The following GABRB3 variants were observed in gnomAD, a reference collection of about 807,000 sequenced individuals.
The protein encoded by GABRB3 is gamma-aminobutyric acid receptor subunit beta-3.
Under a neutral mutation model 52.1 loss-of-function variants are expected in GABRB3, and 14 were observed. The observed-to-expected ratio is 0.27, with a 90% confidence interval of 0.18 to 0.42. The LOEUF (loss-of-function observed/expected upper bound fraction) is 0.42, where lower values mean the gene tolerates loss of function less well. Ranked by LOEUF, GABRB3 falls within the 10% of genes least tolerant of loss-of-function variation. The pLI, the probability that GABRB3 is intolerant of heterozygous loss-of-function variation, is 1.00. For missense variants in GABRB3, 307 were observed against 609.1 expected, an observed-to-expected ratio of 0.50 and a Z score of 5.22; for synonymous variants, 260 against 232.3, an observed-to-expected ratio of 1.12 and a Z score of -1.08.
chr15:26,570,430 G>A (rs1890352420), intron 6 of GABRB3, among the ~76,000 whole-genome samples: 1 of 152,194 alleles, frequency 6.6e-6, no homozygotes, highest in Non-Finnish European at 1.5e-5. Context: ...CTGGCTCTGG[G>A]CCTTGCGCGA....
At chr15:26,685,112 G>T (rs982430948) in intron 3 of GABRB3, among the ~76,000 whole-genome samples, 1 of 152,156 alleles carries the variant, frequency 6.6e-6, no homozygotes, top group Non-Finnish European at 1.5e-5. Context: ...TTCCCTGCAG[G>T]TCCCATGGGA....
At chr15:26,707,804 A>T (rs959715644) in intron 3 of GABRB3, among the ~76,000 whole-genome samples, 4 of 152,184 alleles carry the variant, frequency 2.6e-5, no homozygotes, top group African/African-American at 7.2e-5. Context: ...GATGGGGCAG[A>T]AGTTACATGA....
At chr15:26,639,375 C>A (rs1893140802) in intron 3 of GABRB3, among the ~76,000 whole-genome samples, 1 of 150,682 alleles carries the variant, frequency 6.6e-6, no homozygotes, top group Non-Finnish European at 1.5e-5. Context: ...ATGTCTGTAC[C>A]AAACAGGTAC....
At chr15:26,669,456 G>C (rs1407422724) in intron 3 of GABRB3, among the ~76,000 whole-genome samples, 2 of 152,106 alleles carry the variant, frequency 1.3e-5, no homozygotes, top group East Asian at 3.9e-4. Flanking sequence ...GTCTGCCATG[G>C]GGTAGGTGTC....
intron 3 of GABRB3, among the ~76,000 whole-genome samples, chr15:26,737,135 C>G (rs891414858): frequency 1.4e-4 from 22 of 152,220 alleles, no homozygotes; most frequent in Admixed American, 1.4e-3. Flanking sequence ...GAGCTTGCCC[C>G]CTCTGTGATT....
At chr15:26,616,968 CA>C (rs1043787700) in intron 4 of GABRB3, among the ~76,000 whole-genome samples, 2 of 144,116 alleles carry the variant, frequency 1.4e-5, no homozygotes, top group Admixed American at 6.9e-5. Flanking sequence ...AAAAAAAAAA[CA>C]AAAAGTGTAT....
intron 3 of GABRB3, among the ~76,000 whole-genome samples, chr15:26,703,194 C>T (rs1402872934): frequency 1.3e-5 from 2 of 152,164 alleles, no homozygotes; most frequent in East Asian, 1.9e-4. Flanking sequence ...TTATAAAGAA[C>T]AGAAATTAAT....
At chr15:26,714,430 G>A (rs1294982672) in intron 3 of GABRB3, among the ~76,000 whole-genome samples, 1 of 152,212 alleles carries the variant, frequency 6.6e-6, no homozygotes, top group Non-Finnish European at 1.5e-5. Context: ...ACACAGTTTG[G>A]TTTTATACAT....
At chr15:26,633,991 T>A in intron 3 of GABRB3, among the ~76,000 whole-genome samples, 1 of 152,208 alleles carries the variant, frequency 6.6e-6, no homozygotes, top group East Asian at 1.9e-4. Context: ...TACAACAAAG[T>A]GACTCCTCCA....
rs774730483 is a variant in GABRB3, at chr15:26,561,142, G to A, written c.870C>T (p.Asn290=). The A allele has an allele frequency of 1.2e-6, 2 of 1,614,208 alleles. No homozygotes were observed. Among genetic ancestry groups the A allele is most frequent in the Non-Finnish European group, 1.7e-6 (2 of 1,180,046 alleles). The change falls in exon 8 of 9, where the codon AAC becomes AAT. Residue 290 remains asparagine, a synonymous_variant. Transcript: ENST00000311550. ...ITTVLTMTTI[N]THLRETLPKI... ...TGGGCAAGGTCTCCCGAAGGTGGGT[G>A]TTGATGGTTGTCATTGTCAGCACAG...
intron 8 of GABRB3, among the ~76,000 whole-genome samples, chr15:26,560,484 C>A (rs1205215831): frequency 1.3e-5 from 2 of 152,292 alleles, no homozygotes; most frequent in African/African-American, 4.8e-5. Flanking sequence ...GCTGCCCATC[C>A]AGATAGACGC....
At chr15:26,567,815 A>G in intron 6 of GABRB3, 82 bp from the exon 7 acceptor site, 1 of 1,368,032 alleles carries the variant, frequency 7.3e-7, no homozygotes, top group East Asian at 2.3e-5. Context: ...ATAGGTCAAC[A>G]ACAGGCAATG....
At chr15:26,709,884 G>A (rs1291751906) in intron 3 of GABRB3, among the ~76,000 whole-genome samples, 4 of 152,014 alleles carry the variant, frequency 2.6e-5, no homozygotes, top group African/African-American at 9.7e-5. Context: ...AACAGACTAA[G>A]GCAACCACAA....
chr15:26,625,091 T>A (rs1864755), intron 3 of GABRB3: 384,898 of 391,048 alleles, frequency 0.98, 189,449 homozygotes, highest in East Asian at 1. Context: ...CCTCAAACAC[T>A]AGTAACCCGG....
In GABRB3 at chr15:26,547,709, T is replaced by G. The variant is rs531357011; in HGVS notation, c.*84A>C. 12 of 1,003,832 alleles carry G rather than the reference T, an allele frequency of 1.2e-5. No individual in the cohort carries two copies. The African/African-American group carries it at 1.7e-4, about 15-fold the overall frequency. 62.2% of individuals were successfully genotyped at this position (1,003,832 alleles called of 1,614,324 possible). On this transcript the variant is annotated 3_prime_UTR_variant, in exon 9 of 9. Coordinates refer to ENST00000311550, the MANE Select transcript of GABRB3 (RefSeq NM_000814.6). Reference sequence around the variant, plus strand: ...GTGTGTGTCTGCTTGTGTGTCTGTGTGTGTACAGGTATAAAAACTTGACAG... The same window carrying G: ...GTGTGTGTCTGCTTGTGTGTCTGTGGGTGTACAGGTATAAAAACTTGACAG...
intron 6 of GABRB3, among the ~76,000 whole-genome samples, chr15:26,573,181 G>A (rs1207029815): frequency 6.6e-6 from 1 of 152,130 alleles, no homozygotes; most frequent in African/African-American, 2.4e-5. Flanking sequence ...TCCCACTGCA[G>A]CCTGGGAAGC....
chr15:26,558,405 G>T (rs771786718), intron 8 of GABRB3, among the ~76,000 whole-genome samples: 1 of 152,216 alleles, frequency 6.6e-6, no homozygotes, highest in Admixed American at 6.5e-5. Context: ...AGGAGCTACT[G>T]TGTTCGCTGG....
intron 4 of GABRB3, chr15:26,615,233 C>CATTA (rs1483655678): frequency 1.0e-6 from 1 of 953,864 alleles, no homozygotes; most frequent in African/African-American, 1.8e-5. Flanking sequence ...GACAAAGGAC[C>CATTA]ATTAGTCTCT....
chr15:26,589,480 C>A (rs1221808397), intron 4 of GABRB3, among the ~76,000 whole-genome samples: 1 of 152,204 alleles, frequency 6.6e-6, no homozygotes, highest in African/African-American at 2.4e-5. Flanking sequence ...ACTGTAAACA[C>A]TGGAGAGAAC....
Sources: allele counts gnomAD v4.1 joint callset (sites outside exome capture counted in the v4.1 genomes callset), GRCh38; gene constraint gnomAD v4.1.1; transcripts MANE v1.5; gene names NCBI Gene and HGNC (gene_info 2026-07-23, HGNC 2026-07-21).